Variants in ZNG1A observed in about 807,000 individuals in gnomAD.
ZNG1A encodes the protein Zn regulated GTPase metalloprotein activator 1A, also known as zinc-regulated GTPase metalloprotein activator 1A.
At chr9:161,310 A>G in the ZNG1A span, among the ~76,000 whole-genome samples, 1 of 151,718 alleles carries the variant, frequency 6.6e-6, no homozygotes, top group East Asian at 1.9e-4. Context: ...CTCTACTAAA[A>G]ATACAAAATT....
the ZNG1A span, chr9:172,069 C>T: frequency 2.5e-6 from 4 of 1,610,726 alleles, no homozygotes; most frequent in Non-Finnish European, 3.4e-6. Flanking sequence ...TATTAATAAT[C>T]TCACTTCTTA....
At chr9:127,656 G>C in the ZNG1A span, among the ~76,000 whole-genome samples, 1 of 151,928 alleles carries the variant, frequency 6.6e-6, no homozygotes, top group South Asian at 2.1e-4. Flanking sequence ...CTTTTAAGTG[G>C]AGCATTTAGG....
chr9:142,770 G>C, the ZNG1A span, among the ~76,000 whole-genome samples: 3 of 144,796 alleles, frequency 2.1e-5, no homozygotes, highest in South Asian at 2.4e-4. Flanking sequence ...TTTTTTGAAA[G>C]GATCAACAAA....
the ZNG1A span, among the ~76,000 whole-genome samples, chr9:159,555 A>G: frequency 0.045 from 5,245 of 115,726 alleles, no homozygotes; most frequent in East Asian, 0.17. Flanking sequence ...CTTGTCAATT[A>G]TACCTCAATA....
the ZNG1A span, chr9:149,300 T>G: frequency 2.6e-5 from 4 of 150,994 alleles, no homozygotes. Flanking sequence ...CCCTTTGTGG[T>G]AAGTTCTCTA....
At chr9:154,665 A>G in the ZNG1A span, 1 of 1,408,592 alleles carries the variant, frequency 7.1e-7, no homozygotes, top group Admixed American at 1.7e-5. Context: ...TTCTGTGTAT[A>G]CAACATGGAT....
At chr9:125,128 T>G in the ZNG1A span, among the ~76,000 whole-genome samples, 11 of 152,348 alleles carry the variant, frequency 7.2e-5, no homozygotes, top group East Asian at 2.1e-3. Context: ...TTAAGGAATC[T>G]CCACAGTTTT....
chr9:141,724 C>T, the ZNG1A span, among the ~76,000 whole-genome samples: 1 of 151,482 alleles, frequency 6.6e-6, no homozygotes, highest in African/African-American at 2.4e-5. Flanking sequence ...ACTAAATGCT[C>T]CAATTAAAAG....
the ZNG1A span, chr9:166,621 T>C: frequency 6.6e-6 from 1 of 152,590 alleles, no homozygotes; most frequent in African/African-American, 2.4e-5. Flanking sequence ...AATGAAGAAC[T>C]TGAAAACAAT....
At chr9:127,159 G>T in the ZNG1A span, among the ~76,000 whole-genome samples, 2 of 152,064 alleles carry the variant, frequency 1.3e-5, no homozygotes, top group Admixed American at 6.6e-5. Flanking sequence ...TTCTGTGGTT[G>T]TTGGATGGAA....
the ZNG1A span, among the ~76,000 whole-genome samples, chr9:169,697 C>A: frequency 2.7e-5 from 4 of 145,536 alleles, no homozygotes; most frequent in Non-Finnish European, 6.0e-5. Flanking sequence ...CCATCAACAT[C>A]GTGGCAAGAC....
the ZNG1A span, among the ~76,000 whole-genome samples, chr9:156,256 C>T: frequency 6.6e-6 from 1 of 150,556 alleles, no homozygotes; most frequent in African/African-American, 2.4e-5. Context: ...TTACAGAACT[C>T]CTGTGTTCAG....
chr9:161,144 A>T, the ZNG1A span, among the ~76,000 whole-genome samples: 10 of 152,148 alleles, frequency 6.6e-5, no homozygotes, highest in African/African-American at 2.4e-4. Flanking sequence ...AATTTCAGCA[A>T]AGATTTGGGG....
chr9:142,082 C>A, the ZNG1A span, among the ~76,000 whole-genome samples: 1 of 145,234 alleles, frequency 6.9e-6, no homozygotes, highest in Non-Finnish European at 1.5e-5. Context: ...GACTCCCACA[C>A]AATAATAATG....
chr9:139,424 A>G, the ZNG1A span, among the ~76,000 whole-genome samples: 34,379 of 139,268 alleles, frequency 0.25, 5,555 homozygotes, highest in East Asian at 0.4. Flanking sequence ...AGAGTGAAAC[A>G]TTCCAGAGAT....
the ZNG1A span, among the ~76,000 whole-genome samples, chr9:140,411 C>G: frequency 0.049 from 7,296 of 147,900 alleles, 241 homozygotes; most frequent in African/African-American, 0.072. Context: ...AGGCTGACAC[C>G]TCACACGGCC....
the ZNG1A span, chr9:177,842 A>G: frequency 9.0e-7 from 1 of 1,114,586 alleles, no homozygotes; most frequent in Non-Finnish European, 1.3e-6. Flanking sequence ...CGCCAAAAAT[A>G]AATTCCTTTA....
chr9:160,246 C>CA, the ZNG1A span: 1 of 452,192 alleles, frequency 2.2e-6, no homozygotes, highest in Non-Finnish European at 4.4e-6. Flanking sequence ...TGGCTGGCCA[C>CA]AGGGTACCAT....
chr9:143,031 C>A, the ZNG1A span, among the ~76,000 whole-genome samples: 12 of 147,036 alleles, frequency 8.2e-5, no homozygotes, highest in Admixed American at 3.4e-4. Flanking sequence ...ATAACAGGAT[C>A]TGAAATTGTG....
Sources: gnomAD v4.1 joint callset for allele counts (sites outside exome capture counted in the v4.1 genomes callset) on GRCh38, gnomAD v4.1.1 for gene constraint, MANE v1.5 for transcripts, NCBI Gene and HGNC (gene_info 2026-07-23, HGNC 2026-07-21) for gene names.